The following DACH2 variants were observed in gnomAD, a reference collection of about 807,000 sequenced individuals.
DACH2 encodes dachshund homolog 2.
A neutral mutation model predicts 35.8 loss-of-function variants in DACH2; 17 were observed. That is an observed-to-expected ratio of 0.48 (90% CI 0.33 to 0.71). DACH2 has a LOEUF of 0.71. Among genes scored for constraint, DACH2 ranks in the 30% least tolerant of loss-of-function variants. The pLI is 0.02. For missense variants in DACH2, 469 were observed against 472.7 expected (o/e 0.99, Z 0.07); for synonymous variants, 195 against 177.3 (o/e 1.10, Z -0.79).
chrX:86,806,867 A>G (rs1455984070), intron 7 of DACH2, among the ~76,000 whole-genome samples: 4 of 111,927 alleles, frequency 3.6e-5, no homozygotes, highest in African/African-American at 1.3e-4. Context: ...GTGCTTCCCA[A>G]CCAGTATTGA....
rs1031400552 is a variant in DACH2, at chrX:86,493,311, C to T, written c.528-20968C>T. On this transcript the variant is annotated intron_variant, in intron 2 of 11. Transcript: ENST00000373125. ...CTATACCACCATTTGTGGTTCAATACTATTAGGTTCCCTTAGGAGTTTTGA... is the reference window on the plus strand; with the variant it reads ...CTATACCACCATTTGTGGTTCAATATTATTAGGTTCCCTTAGGAGTTTTGA... Among the ~76,000 whole-genome samples the T allele has an allele frequency of 5.4e-5, 6 of 111,078 alleles. 1 individual carries two copies. The highest frequency in any genetic ancestry group is 9.8e-5 in the African/African-American group (3 of 30,567).
intron 3 of DACH2, among the ~76,000 whole-genome samples, chrX:86,632,212 A>G (rs1364387287): frequency 9.0e-6 from 1 of 111,301 alleles, no homozygotes; most frequent in Non-Finnish European, 1.9e-5. Flanking sequence ...GAAAGCACTC[A>G]GGCAAAAAGG....
At chrX:86,161,298 C>A in intron 1 of DACH2, 1 of 1,184,731 alleles carries the variant, frequency 8.4e-7, no homozygotes. Flanking sequence ...TTCACCAACA[C>A]CAGCAGCAAC....
At chrX:86,199,811 G>GA (rs1041539488) in intron 1 of DACH2, among the ~76,000 whole-genome samples, 1 of 111,790 alleles carries the variant, frequency 8.9e-6, no homozygotes, top group Non-Finnish European at 1.9e-5. Flanking sequence ...CAAACAAATG[G>GA]AAAAACATTT....
At chrX:86,648,885 G>T (rs1178076705) in intron 3 of DACH2, among the ~76,000 whole-genome samples, 6 of 111,032 alleles carry the variant, frequency 5.4e-5, no homozygotes, top group Non-Finnish European at 1.1e-4. Context: ...AGTGTAAGGA[G>T]CTATATAAAA....
chrX:86,667,552 GAAAGAAAGAAAGAAAGAAAGA>G (rs2040706102), intron 4 of DACH2, among the ~76,000 whole-genome samples: 1 of 45,529 alleles, frequency 2.2e-5, no homozygotes, highest in Non-Finnish European at 3.9e-5. Flanking sequence ...AAAGAAGAAA[GAAAGAAAGAAAGAAAGAAAGA>G]AAGAAAGAAA....
At chrX:86,645,203 CT>C (rs935442459) in intron 3 of DACH2, among the ~76,000 whole-genome samples, 5 of 110,677 alleles carry the variant, frequency 4.5e-5, no homozygotes, top group Non-Finnish European at 9.5e-5. Flanking sequence ...CTATAAGGGA[CT>C]TAAACAAATT....
intron 4 of DACH2, among the ~76,000 whole-genome samples, chrX:86,669,986 C>A (rs1028586315): frequency 9.9e-5 from 11 of 110,687 alleles, no homozygotes; most frequent in African/African-American, 3.0e-4. Flanking sequence ...CTATTACAAT[C>A]AATTTATTTG....
intron 1 of DACH2, among the ~76,000 whole-genome samples, chrX:86,283,012 T>G (rs1167265790): frequency 2.6e-5 from 1 of 39,147 alleles, no homozygotes; most frequent in Non-Finnish European, 3.9e-5. Context: ...TCTCCTGACC[T>G]CGTGATCCGC....
rs370494620 is a variant in DACH2, at chrX:86,630,329, G to A, written c.641-20707G>A. Among the ~76,000 whole-genome samples the A allele has an allele frequency of 2.3e-4, 25 of 109,780 alleles. No homozygotes were observed. The East Asian group carries it at 4.3e-3, about 19-fold the overall frequency. Reference sequence around the variant, plus strand: ...TTTACCGATCTGAGAAATGGAAATAGTAATGTTATTACCCTCTTAAGGTTG... The same window carrying A: ...TTTACCGATCTGAGAAATGGAAATAATAATGTTATTACCCTCTTAAGGTTG... On this transcript the variant is annotated intron_variant, in intron 3 of 11. Coordinates refer to ENST00000373125, the MANE Select transcript of DACH2 (RefSeq NM_053281.3).
intron 1 of DACH2, chrX:86,160,736 G>A (rs1028759876): frequency 6.3e-5 from 29 of 458,603 alleles, no homozygotes; most frequent in Non-Finnish European, 8.9e-5. Context: ...CATTTCACTC[G>A]AAGCTTTATT....
chrX:86,188,095 T>C (rs1477823040), intron 1 of DACH2, among the ~76,000 whole-genome samples: 6 of 111,985 alleles, frequency 5.4e-5, no homozygotes, highest in African/African-American at 1.3e-4. Context: ...AAAAACTTCA[T>C]GTGGTCTGAC....
chrX:86,578,852 C>T (rs1445897353), intron 3 of DACH2, among the ~76,000 whole-genome samples: 3 of 111,584 alleles, frequency 2.7e-5, no homozygotes, highest in Non-Finnish European at 3.8e-5. Flanking sequence ...GTGGATGTAG[C>T]ATTTTGTATT....
chrX:86,392,693 G>A (rs1393861163), intron 2 of DACH2, among the ~76,000 whole-genome samples: 1 of 111,780 alleles, frequency 8.9e-6, no homozygotes, highest in Non-Finnish European at 1.9e-5. Flanking sequence ...TGGTATGACT[G>A]CAGAACAAGA....
intron 2 of DACH2, among the ~76,000 whole-genome samples, chrX:86,427,692 A>T (rs66595823): frequency 0.042 from 4,659 of 111,606 alleles, 98 homozygotes; most frequent in East Asian, 0.21. Flanking sequence ...ATAATGGTAA[A>T]TTAAATATAA....
rs1228806257 is a variant in DACH2, at chrX:86,308,310, T to A, written c.489-68514T>A. 3.5e-5 allele frequency among the ~76,000 whole-genome samples: 4 copies of A among 112,743 alleles called. No individual in the cohort carries two copies. In the East Asian group the frequency reaches 1.1e-3, roughly 32 times the overall value. ...TTTAAATACAATGGGAATAATTGGA[T>A]CCTTAGGTGGCAGAGGCCAAGTGGC... On this transcript the variant is annotated intron_variant, in intron 1 of 11. Transcript: ENST00000373125.
At chrX:86,736,199 A>G (rs2041594683) in intron 6 of DACH2, among the ~76,000 whole-genome samples, 3 of 111,460 alleles carry the variant, frequency 2.7e-5, no homozygotes, top group Admixed American at 1.9e-4. Context: ...AATGTACGAC[A>G]CTGCATTCAT....
chrX:86,708,927 T>C (rs1956923988), intron 5 of DACH2, among the ~76,000 whole-genome samples: 1 of 111,471 alleles, frequency 9.0e-6, no homozygotes, highest in Non-Finnish European at 1.9e-5. Context: ...AATGGAGAGA[T>C]ATCTTACGTT....
At chrX:86,682,940 A>G (rs1188896815) in intron 4 of DACH2, among the ~76,000 whole-genome samples, 5 of 111,243 alleles carry the variant, frequency 4.5e-5, no homozygotes, top group African/African-American at 1.3e-4. Context: ...CTTAACAAAC[A>G]TGTTTCTTTC....
Sources: allele counts gnomAD v4.1 joint callset (sites outside exome capture counted in the v4.1 genomes callset), GRCh38; gene constraint gnomAD v4.1.1; transcripts MANE v1.5; gene names NCBI Gene and HGNC (gene_info 2026-07-23, HGNC 2026-07-21).